NTRK2: variants seen among roughly 807,000 people sequenced by gnomAD.
NTRK2 encodes neurotrophic receptor tyrosine kinase 2, also known as BDNF/NT-3 growth factors receptor.
NTRK2 carries 13 observed loss-of-function variants against 94.5 expected under a neutral mutation model. The observed-to-expected ratio is 0.14, with a 90% CI of 0.09 to 0.22. NTRK2 has a LOEUF of 0.22. Ranked by LOEUF, NTRK2 falls within the 10% of genes least tolerant of loss-of-function variation. The pLI is 1.00. For synonymous variants in NTRK2, 372 were observed against 407.4 expected (o/e 0.91, Z 1.05); for missense variants, 639 against 1,071.2 (o/e 0.60, Z 5.63).
chr9:85,024,795 CA>C lies in NTRK2; in HGVS notation c.*3359del. 4.3e-6 allele frequency: 1 copy of C among 233,044 alleles called. No homozygotes were observed. Among genetic ancestry groups the C allele is most frequent in the Admixed American group, 5.6e-5 (1 of 17,804 alleles). The allele number at this position is 233,044 out of a possible 1,614,324, so 14.4% of individuals were successfully genotyped here. On this transcript the variant is annotated 3_prime_UTR_variant, in exon 19 of 19. Transcript: ENST00000277120. ...AAATTCTTGTACACTGAACCAATGT[CA>C]TAATCAGGCTTATTTAGAAAACACT...
chr9:85,004,917 A>C lies in NTRK2; in HGVS notation c.2173-15289A>C, dbSNP rs190186306. Among the ~76,000 whole-genome samples, 3 of 152,322 alleles carry C rather than the reference A, an allele frequency of 2.0e-5. No homozygotes were observed. In the East Asian group the frequency reaches 5.8e-4, roughly 29 times the overall value. ...TGACTGAGAGAAGCATGCAGAGACC[A>C]TTTGCATAAATCCTAAAGCTGAAGT... On this transcript the variant is annotated intron_variant, in intron 17 of 18. Coordinates refer to ENST00000277120, the MANE Select transcript of NTRK2 (RefSeq NM_006180.6).
intron 12 of NTRK2, among the ~76,000 whole-genome samples, chr9:84,795,600 A>G (rs903394521): frequency 6.6e-6 from 1 of 152,048 alleles, no homozygotes; most frequent in Non-Finnish European, 1.5e-5. Flanking sequence ...TCAACTCTCA[A>G]TCTTCAAATG....
chr9:84,813,494 C>A, intron 12 of NTRK2: 1 of 1,065,292 alleles, frequency 9.4e-7, no homozygotes, highest in Non-Finnish European at 1.1e-6. Flanking sequence ...GTTGCAAATT[C>A]ACTTTTCTTT....
intron 12 of NTRK2, among the ~76,000 whole-genome samples, chr9:84,820,231 G>A (rs988654798): frequency 6.8e-6 from 1 of 146,228 alleles, no homozygotes; most frequent in Non-Finnish European, 1.5e-5. Context: ...GTGCAGTGGT[G>A]CGATCTCTGC....
intron 17 of NTRK2, among the ~76,000 whole-genome samples, chr9:84,972,079 G>C (rs1367321225): frequency 1.3e-5 from 2 of 152,156 alleles, no homozygotes; most frequent in East Asian, 1.9e-4. Flanking sequence ...CATTCATAGG[G>C]GGGTATCCAA....
chr9:84,939,868 T>C (rs1397582747), intron 15 of NTRK2, among the ~76,000 whole-genome samples: 3 of 152,126 alleles, frequency 2.0e-5, no homozygotes, highest in Admixed American at 2.0e-4. Context: ...TGCTTCCCTC[T>C]GTATTGGCTT....
intron 13 of NTRK2, among the ~76,000 whole-genome samples, chr9:84,862,374 T>G (rs1184131653): frequency 6.6e-6 from 1 of 152,168 alleles, no homozygotes; most frequent in Non-Finnish European, 1.5e-5. Flanking sequence ...AAGGTGGTAA[T>G]AAACTCTCCC....
chr9:84,753,182 C>T (rs951890766), intron 12 of NTRK2, among the ~76,000 whole-genome samples: 1 of 152,018 alleles, frequency 6.6e-6, no homozygotes, highest in Non-Finnish European at 1.5e-5. Flanking sequence ...CTCAAAAAAC[C>T]TCGTCCTGGT....
intron 6 of NTRK2, among the ~76,000 whole-genome samples, chr9:84,722,409 TTTA>T (rs1588163086): frequency 1.3e-5 from 2 of 152,068 alleles, no homozygotes; most frequent in East Asian, 3.9e-4. Context: ...AAGAGAAAGG[TTTA>T]TCCATAATAA....
intron 15 of NTRK2, among the ~76,000 whole-genome samples, chr9:84,943,966 C>A (rs928819835): frequency 6.6e-6 from 1 of 151,992 alleles, no homozygotes; most frequent in Non-Finnish European, 1.5e-5. Context: ...GAAAAAAAGA[C>A]CCAACATGCA....
At chr9:84,858,477 C>G (rs2075174395) in intron 12 of NTRK2, among the ~76,000 whole-genome samples, 1 of 152,054 alleles carries the variant, frequency 6.6e-6, no homozygotes, top group African/African-American at 2.4e-5. Context: ...ACACATTCAG[C>G]ACTTCTCACC....
At chr9:84,806,174 A>T (rs540204699) in intron 12 of NTRK2, among the ~76,000 whole-genome samples, 24 of 152,308 alleles carry the variant, frequency 1.6e-4, no homozygotes, top group Admixed American at 5.2e-4. Flanking sequence ...CTCCTGTGGG[A>T]TGAAGTCTGA....
intron 17 of NTRK2, among the ~76,000 whole-genome samples, chr9:85,014,011 G>A (rs952059699): frequency 7.2e-5 from 11 of 152,244 alleles, no homozygotes; most frequent in Admixed American, 6.5e-4. Flanking sequence ...CTTTGGGTCT[G>A]TGGAAAGGCT....
intron 4 of NTRK2, among the ~76,000 whole-genome samples, chr9:84,707,339 T>C (rs938434174): frequency 2.0e-5 from 3 of 152,162 alleles, no homozygotes; most frequent in Non-Finnish European, 2.9e-5. Context: ...ACAATCTCAG[T>C]AGAGTTTTTT....
intron 5 of NTRK2, among the ~76,000 whole-genome samples, chr9:84,708,590 AAGGC>A (rs2061249069): frequency 6.6e-6 from 1 of 152,234 alleles, no homozygotes. Context: ...TTCTTATGGT[AAGGC>A]ACCTCAAAGC....
At chr9:84,867,461 C>T (rs2132062556) in intron 14 of NTRK2, 30 bp downstream of exon 14, 4 of 1,565,622 alleles carry the variant, frequency 2.6e-6, no homozygotes, top group Non-Finnish European at 3.5e-6. Context: ...CTTATTGTCC[C>T]ATTTGCTGCA....
chr9:84,840,384 T>C (rs896510642), intron 12 of NTRK2, among the ~76,000 whole-genome samples: 34 of 151,818 alleles, frequency 2.2e-4, no homozygotes, highest in African/African-American at 7.7e-4. Context: ...AAATCAAAGC[T>C]GTCTGAAGAA....
chr9:84,863,707 A>G (rs1587726703), intron 13 of NTRK2, among the ~76,000 whole-genome samples: 1 of 152,344 alleles, frequency 6.6e-6, no homozygotes, highest in East Asian at 1.9e-4. Context: ...AAACCCTGCA[A>G]CCTTGCCAGC....
intron 12 of NTRK2, among the ~76,000 whole-genome samples, chr9:84,832,292 A>G (rs1429653888): frequency 6.6e-6 from 1 of 152,248 alleles, no homozygotes; most frequent in Non-Finnish European, 1.5e-5. Context: ...AGAGGTTCAG[A>G]GATATGAGAC....
Sources: allele counts gnomAD v4.1 joint callset (sites outside exome capture counted in the v4.1 genomes callset), GRCh38; gene constraint gnomAD v4.1.1; transcripts MANE v1.5; gene names NCBI Gene and HGNC (gene_info 2026-07-23, HGNC 2026-07-21).